USP34: variants seen among roughly 807,000 people sequenced by gnomAD.
USP34 encodes the protein ubiquitin specific peptidase 34.
Under a neutral mutation model 460.3 loss-of-function variants are expected in USP34, and 70 were observed. The ratio of observed to expected loss-of-function variants is 0.15; its 90% CI spans 0.13 to 0.19. USP34 has a LOEUF of 0.19. Ranked by LOEUF, USP34 falls within the 10% of genes least tolerant of loss-of-function variation. The pLI is 1.00. For synonymous variants in USP34, 1,647 were observed against 1,405.3 expected (o/e 1.17, Z -3.85); for missense variants, 3,985 against 4,236.2 (o/e 0.94, Z 1.65).
At chr2:61,212,822 C>G (rs1008393357) in intron 68 of USP34, among the ~76,000 whole-genome samples, 1 of 151,968 alleles carries the variant, frequency 6.6e-6, no homozygotes, top group African/African-American at 2.4e-5. Context: ...TAGTACTTGT[C>G]AAAGTATATT....
intron 8 of USP34, among the ~76,000 whole-genome samples, chr2:61,376,760 G>A (rs935982974): frequency 1.3e-5 from 2 of 152,022 alleles, no homozygotes; most frequent in Non-Finnish European, 2.9e-5. Flanking sequence ...TGATTCTCGT[G>A]CCTCAGCTAC....
intron 53 of USP34, among the ~76,000 whole-genome samples, chr2:61,241,213 T>C (rs896753107): frequency 3.9e-5 from 6 of 152,030 alleles, no homozygotes; most frequent in African/African-American, 1.4e-4. Context: ...TCGGCTACTT[T>C]TTGTATTTTT....
Position 61,378,379 on chromosome 2 carries a change from C to A in USP34, c.1060G>T (p.Val354Leu). 1 of 1,596,070 alleles carries A rather than the reference C, an allele frequency of 6.3e-7. No homozygotes were observed. The highest frequency in any genetic ancestry group is 1.2e-5 in the South Asian group (1 of 86,596). ...CCTACTTACGTTTCTGTGTCCGATA[C>A]TAATGATTCATTATTGCACACATCA... is the stretch of plus-strand genomic sequence containing the variant. ...FNDVCNNESL[V>L]SDTETSIAKE... is the part of the protein sequence containing the mutation. Residue 354 changes from valine (V) to leucine (L), a missense_variant, in exon 8 of 80, where the codon GTA becomes TTA. Transcript: ENST00000398571.
intron 27 of USP34, among the ~76,000 whole-genome samples, chr2:61,304,847 G>T (rs1690351108): frequency 6.6e-6 from 1 of 151,898 alleles, no homozygotes; most frequent in Non-Finnish European, 1.5e-5. Context: ...TACTACTTTT[G>T]AGAAGATCTT....
chr2:61,380,480 C>T, intron 6 of USP34, 119 bp from the exon 7 acceptor site: 1 of 1,056,784 alleles, frequency 9.5e-7, no homozygotes. Flanking sequence ...AACCCACAAA[C>T]CTCTGGTTTT....
At position 61,450,713 on chromosome 2, in the gene USP34, C is replaced by A. The variant is rs553447984; in HGVS notation, c.43+19937G>T. ...AGGAGTACATGTAAAAAGAAATACG[C>A]AGAACCTACATAAAGGGGAAAAATA... is the stretch of plus-strand genomic sequence containing the variant. On this transcript the variant is annotated intron_variant, in intron 1 of 79. Coordinates refer to ENST00000398571, the MANE Select transcript of USP34 (RefSeq NM_014709.4). 1.1e-3 allele frequency among the ~76,000 whole-genome samples: 162 copies of A among 151,946 alleles called. 2 individuals carry two copies. In the South Asian group the frequency reaches 0.032, roughly 30 times the overall value.
intron 27 of USP34, among the ~76,000 whole-genome samples, chr2:61,302,704 T>C (rs965239357): frequency 6.6e-6 from 1 of 152,238 alleles, no homozygotes; most frequent in African/African-American, 2.4e-5. Context: ...TAACTAACAA[T>C]TCCCATACCA....
intron 1 of USP34, among the ~76,000 whole-genome samples, chr2:61,433,674 T>C (rs971135480): frequency 6.6e-6 from 1 of 152,054 alleles, no homozygotes; most frequent in Non-Finnish European, 1.5e-5. Flanking sequence ...CCCACAGTCC[T>C]TGCAAGCCCT....
intron 51 of USP34, among the ~76,000 whole-genome samples, chr2:61,243,684 A>C (rs1688340566): frequency 6.6e-6 from 1 of 151,916 alleles, no homozygotes; most frequent in Admixed American, 6.6e-5. Context: ...CATCCTAGCC[A>C]ACATGGTGAA....
At chr2:61,411,297 G>C (rs1278047242) in intron 2 of USP34, among the ~76,000 whole-genome samples, 1 of 151,332 alleles carries the variant, frequency 6.6e-6, no homozygotes, top group African/African-American at 2.4e-5. Context: ...TAAGAGGATT[G>C]CTTGACTCTA....
chr2:61,443,388 G>A (rs1176458866), intron 1 of USP34, among the ~76,000 whole-genome samples: 2 of 151,560 alleles, frequency 1.3e-5, no homozygotes, highest in East Asian at 3.9e-4. Flanking sequence ...ACTATATGAT[G>A]AAATTTTGCA....
At chr2:61,376,732 TC>T (rs1409485516) in intron 8 of USP34, among the ~76,000 whole-genome samples, 1 of 127,936 alleles carries the variant, frequency 7.8e-6, no homozygotes, top group East Asian at 2.3e-4. Context: ...CACTGCAATC[TC>T]TGTCTCCGGG....
intron 22 of USP34, 131 bp downstream of exon 22, chr2:61,319,042 C>T: frequency 1.2e-6 from 1 of 827,086 alleles, no homozygotes; most frequent in South Asian, 2.5e-5. Flanking sequence ...TATATTAGGA[C>T]TGCTAAAATT....
intron 53 of USP34, among the ~76,000 whole-genome samples, chr2:61,236,628 A>C (rs1439132603): frequency 6.6e-6 from 1 of 152,196 alleles, no homozygotes; most frequent in Non-Finnish European, 1.5e-5. Flanking sequence ...TATTGTATTT[A>C]TAAAAATGCT....
Position 61,383,284 on chromosome 2 carries a change from C to T in USP34, c.806G>A (p.Arg269Lys), listed in dbSNP as rs1252096348. ...ATAAACTTACCTAATAACATAGGTC[C>T]TAAAAGGTATAATGTGCTGCATGAC... ...PAVMQHIIPF[R>K]TYVIRYLCKL... is the part of the protein sequence containing the mutation. Residue 269 changes from arginine to lysine, a missense_variant, in exon 6 of 80, where the codon AGG becomes AAG. Arg to Lys is a conservative substitution (Grantham distance 26, BLOSUM62 2). Transcript: ENST00000398571. 2 of 1,602,028 alleles carry T rather than the reference C, an allele frequency of 1.2e-6. No homozygotes were observed. Among genetic ancestry groups the T allele is most frequent in the East Asian group, 4.5e-5 (2 of 44,686 alleles).
intron 15 of USP34, among the ~76,000 whole-genome samples, chr2:61,346,904 G>A (rs1302460114): frequency 3.3e-5 from 5 of 149,984 alleles, no homozygotes; most frequent in Non-Finnish European, 7.4e-5. Context: ...TTGGGAGGCC[G>A]AGGCGGGCAG....
At chr2:61,389,818 C>T (rs1289496748) in intron 5 of USP34, among the ~76,000 whole-genome samples, 1 of 151,796 alleles carries the variant, frequency 6.6e-6, no homozygotes, top group Non-Finnish European at 1.5e-5. Flanking sequence ...AGCAGCCCTC[C>T]TAACCTTTTA....
Position 61,214,508 on chromosome 2 carries a change from G to C in USP34, c.8234C>G (p.Ala2745Gly). 7 of 1,613,538 alleles carry C rather than the reference G, an allele frequency of 4.3e-6. No homozygotes were observed. The highest frequency in any genetic ancestry group is 5.9e-6 in the Non-Finnish European group (7 of 1,179,860). The stretch of plus-strand genomic sequence containing the variant: ...CACTAGCTTTGTAGTGCCATGAACA[G>C]CAGCATCAACATAAAGTTTGGCTCT... ...LSRAKLYVDA[A>G]VHGTTKLVPY... The change falls in exon 68 of 80, where the codon GCT becomes GGT. Residue 2745 changes from alanine to glycine, a missense_variant. By Grantham distance (60) the Ala-to-Gly change is moderately conservative. Around this residue, in one of 14 missense-constraint regions of USP34, gnomAD observed 604 missense variants for 684.8 expected, o/e 0.88. Coordinates refer to ENST00000398571, the MANE Select transcript of USP34 (RefSeq NM_014709.4).
chr2:61,433,737 A>C (rs926125006), intron 1 of USP34, among the ~76,000 whole-genome samples: 1 of 152,204 alleles, frequency 6.6e-6, no homozygotes, highest in Admixed American at 6.5e-5. Flanking sequence ...TGCCCAAATT[A>C]GGAGCACAAG....
Sources: allele counts gnomAD v4.1 joint callset (sites outside exome capture counted in the v4.1 genomes callset), GRCh38; gene constraint gnomAD v4.1.1; regional missense constraint gnomAD v4.1.1; transcripts MANE v1.5; gene names NCBI Gene and HGNC (gene_info 2026-07-23, HGNC 2026-07-21).